The following WWP2 variants were observed in gnomAD, a reference collection of about 807,000 sequenced individuals.
The protein encoded by WWP2 is NEDD4-like E3 ubiquitin-protein ligase WWP2.
In WWP2, 57 loss-of-function variants were observed where a neutral mutation model predicts 121.0. That is an observed-to-expected ratio of 0.47 (90% CI 0.38 to 0.59). The LOEUF (loss-of-function observed/expected upper bound fraction) is 0.59. Ranked by LOEUF, WWP2 falls within the 20% of genes least tolerant of loss-of-function variation. The pLI is 0.00. For missense variants in WWP2, 962 were observed against 1,158.9 expected, an observed-to-expected ratio of 0.83 and a Z score of 2.47; for synonymous variants, 449 against 441.3, an observed-to-expected ratio of 1.02 and a Z score of -0.22.
At chr16:69,853,933 A>C (rs2057264863) in intron 6 of WWP2, among the ~76,000 whole-genome samples, 1 of 152,176 alleles carries the variant, frequency 6.6e-6, no homozygotes, top group Non-Finnish European at 1.5e-5. Context: ...GGTTTATGGA[A>C]CATTGGTACT....
intron 4 of WWP2, among the ~76,000 whole-genome samples, chr16:69,826,980 A>G (rs2056712299): frequency 6.7e-6 from 1 of 149,818 alleles, no homozygotes; most frequent in African/African-American, 2.5e-5. Flanking sequence ...AGAATAATGG[A>G]CCATCTAGCA....
At position 69,929,509 on chromosome 16, in the gene WWP2, G is replaced by C. The variant is rs1289099681; in HGVS notation, c.1296G>C (p.Trp432Cys). 1 of 1,614,130 alleles carries C rather than the reference G, an allele frequency of 6.2e-7. No homozygotes were observed. The highest frequency in any genetic ancestry group is 1.1e-5 in the South Asian group (1 of 91,076). Residue 432 changes from tryptophan (W) to cysteine (C), a missense_variant, in exon 12 of 24, where the codon TGG becomes TGC. Transcript: ENST00000359154. ...YVNHNTRTTQ[W>C]EDPRTQGMIQ... Reference sequence around the variant, plus strand: ...ACCATAACACTCGCACGACCCAGTGGGAGGATCCCCGGACCCAGGGGTAAG... The same window carrying C: ...ACCATAACACTCGCACGACCCAGTGCGAGGATCCCCGGACCCAGGGGTAAG...
chr16:69,792,202 C>T (rs916841906), intron 2 of WWP2, among the ~76,000 whole-genome samples: 3 of 152,066 alleles, frequency 2.0e-5, no homozygotes, highest in Admixed American at 6.6e-5. Flanking sequence ...TTAAATGCAT[C>T]GAGGCCCTTA....
intron 8 of WWP2, among the ~76,000 whole-genome samples, chr16:69,900,319 C>A (rs1205035240): frequency 6.6e-6 from 1 of 152,086 alleles, no homozygotes; most frequent in Admixed American, 6.6e-5. Context: ...CTTTTATCTG[C>A]AAAAATGTTA....
chr16:69,877,585 A>C (rs1282534763), intron 7 of WWP2, among the ~76,000 whole-genome samples: 1 of 152,136 alleles, frequency 6.6e-6, no homozygotes, highest in African/African-American at 2.4e-5. Flanking sequence ...GCTAACTGTC[A>C]CAAGAGTCCC....
chr16:69,783,451 C>T (rs1469842684), intron 1 of WWP2, among the ~76,000 whole-genome samples: 1 of 151,668 alleles, frequency 6.6e-6, no homozygotes, highest in Admixed American at 6.6e-5. Flanking sequence ...CAGGGAGATA[C>T]TTTGAGTGCA....
chr16:69,793,911 CTTTTTT>C (rs71151135), intron 2 of WWP2, among the ~76,000 whole-genome samples: 4 of 62,312 alleles, frequency 6.4e-5, no homozygotes, highest in Non-Finnish European at 1.1e-4. Flanking sequence ...ATTATCCTTG[CTTTTTT>C]TTTTTTTTTT....
At chr16:69,794,443 C>G (rs551780373) in intron 2 of WWP2, among the ~76,000 whole-genome samples, 1 of 152,112 alleles carries the variant, frequency 6.6e-6, no homozygotes, top group South Asian at 2.1e-4. Context: ...GTGGGAAGAT[C>G]GCTTGAGCCC....
chr16:69,806,238 T>A (rs2056271923), intron 4 of WWP2, among the ~76,000 whole-genome samples: 1 of 152,214 alleles, frequency 6.6e-6, no homozygotes. Flanking sequence ...ATGAATTTCC[T>A]AATAGTAATT....
At chr16:69,838,615 C>A in intron 4 of WWP2, 1 of 416,138 alleles carries the variant, frequency 2.4e-6, no homozygotes, top group Non-Finnish European at 3.2e-6. Flanking sequence ...GCTGGAGCAG[C>A]TGCTTCCCAA....
intron 4 of WWP2, among the ~76,000 whole-genome samples, chr16:69,802,774 T>C (rs1320590528): frequency 1.3e-5 from 2 of 152,020 alleles, no homozygotes; most frequent in African/African-American, 4.8e-5. Context: ...CAGCTAATTT[T>C]TTTATTTTTA....
At position 69,925,427 on chromosome 16, in the gene WWP2, T is replaced by C; in HGVS notation, c.1180-3T>C. The C allele has an allele frequency of 1.2e-6, 2 of 1,614,070 alleles. No homozygotes were observed. The highest frequency in any genetic ancestry group is 1.7e-6 in the Non-Finnish European group (2 of 1,179,964). ...TGTGTTCTGCTGTGTTTCTTGTGTT[T>C]AGTCTTCGAGTGCTTCGACTGACCA... On this transcript the variant is annotated splice_region_variant and splice_polypyrimidine_tract_variant and intron_variant, in intron 10 of 23. Coordinates refer to ENST00000359154, the MANE Select transcript of WWP2 (RefSeq NM_001270454.2). The surrounding 1 kb of genome is among the most constrained non-coding windows in gnomAD (Gnocchi z 4.0).
At chr16:69,847,168 T>C (rs1334264271) in intron 6 of WWP2, among the ~76,000 whole-genome samples, 1 of 152,152 alleles carries the variant, frequency 6.6e-6, no homozygotes, top group Non-Finnish European at 1.5e-5. Flanking sequence ...CACTATAAAC[T>C]CTGCCTCCCA....
intron 6 of WWP2, among the ~76,000 whole-genome samples, chr16:69,864,982 G>T (rs1240480665): frequency 6.6e-6 from 1 of 152,044 alleles, no homozygotes; most frequent in African/African-American, 2.4e-5. Flanking sequence ...ACTTCCCGAA[G>T]AACTTATGAT....
intron 6 of WWP2, among the ~76,000 whole-genome samples, chr16:69,846,700 A>G (rs1459751199): frequency 6.6e-6 from 1 of 151,248 alleles, no homozygotes; most frequent in Non-Finnish European, 1.5e-5. Context: ...CAGCTGAGTG[A>G]TGGAGTGAGA....
intron 4 of WWP2, among the ~76,000 whole-genome samples, chr16:69,813,188 G>A (rs1171007026): frequency 6.8e-6 from 1 of 147,334 alleles, no homozygotes; most frequent in South Asian, 2.1e-4. Context: ...TTGAGATGGA[G>A]TTTTGCTCTT....
chr16:69,807,954 TCAAA>T (rs753063546), intron 4 of WWP2, among the ~76,000 whole-genome samples: 12 of 152,202 alleles, frequency 7.9e-5, no homozygotes, highest in South Asian at 2.1e-4. Context: ...AAACCCTATC[TCAAA>T]CAAACAAACA....
chr16:69,919,787 C>CTTTTT (rs1326246941), intron 10 of WWP2, among the ~76,000 whole-genome samples: 1 of 124,416 alleles, frequency 8.0e-6, no homozygotes, highest in Admixed American at 8.1e-5. Context: ...GGGTCCCTGA[C>CTTTTT]TTTTTTTTTT....
At chr16:69,880,444 A>G (rs985807720) in intron 7 of WWP2, among the ~76,000 whole-genome samples, 1 of 152,088 alleles carries the variant, frequency 6.6e-6, no homozygotes, top group Admixed American at 6.6e-5. Context: ...TTGATCGTTC[A>G]TACATTTTCA....
Sources: allele counts gnomAD v4.1 joint callset (sites outside exome capture counted in the v4.1 genomes callset), GRCh38; gene constraint gnomAD v4.1.1; non-coding constraint Gnocchi (gnomAD v3.1); transcripts MANE v1.5; gene names NCBI Gene and HGNC (gene_info 2026-07-23, HGNC 2026-07-21).